URGCP: variants seen among roughly 807,000 people sequenced by gnomAD.
URGCP encodes up-regulator of cell proliferation.
In URGCP, 13 loss-of-function variants were observed where a neutral mutation model predicts 24.6. The ratio of observed to expected loss-of-function variants is 0.53; its 90% CI spans 0.34 to 0.84. The LOEUF (loss-of-function observed/expected upper bound fraction) is 0.84, where lower values mean the gene tolerates loss of function less well. URGCP is among the 40% of genes least tolerant of loss of function. The probability of loss-of-function intolerance (pLI) is 0.01; values close to 1 mark genes in which losing one functional copy is unlikely to be tolerated. For missense variants in URGCP, 899 were observed against 1,194.3 expected (o/e 0.75, Z 3.64); for synonymous variants, 444 against 487.2 (o/e 0.91, Z 1.17).
intron 3 of URGCP, among the ~76,000 whole-genome samples, chr7:43,884,884 T>C (rs953547443): frequency 2.6e-5 from 4 of 152,112 alleles, no homozygotes; most frequent in Non-Finnish European, 4.4e-5. Flanking sequence ...AAATAAATTA[T>C]ATCGTGTGAC....
intron 1 of URGCP, among the ~76,000 whole-genome samples, chr7:43,917,109 G>A (rs1289657329): frequency 1.3e-5 from 2 of 152,156 alleles, no homozygotes; most frequent in African/African-American, 2.4e-5. Flanking sequence ...ATTGAGCTCA[G>A]CAGGGAGGGA....
upstream of URGCP, among the ~76,000 whole-genome samples, chr7:43,907,501 TTAAAG>T (rs2095905418): frequency 1.1e-5 from 1 of 89,798 alleles, no homozygotes; most frequent in African/African-American, 4.4e-5. Flanking sequence ...AAAAATAAAA[TTAAAG>T]TTAAAAGTAA....
intron 1 of URGCP, chr7:43,905,961 A>C (rs2095901290): frequency 6.6e-6 from 1 of 152,190 alleles, no homozygotes; most frequent in African/African-American, 2.4e-5. Flanking sequence ...ATATCAAAAT[A>C]AGCGCAGCCA....
rs2095847000 is a variant in URGCP at position 43,877,621 on chromosome 7, T to C, written c.1842A>G (p.Glu614=). Residue 614 remains glutamate, a synonymous_variant, in exon 6 of 6, where the codon GAA becomes GAG. Coordinates refer to ENST00000453200, the MANE Select transcript of URGCP (RefSeq NM_001077663.3). ...ACTGTCCCATCTCCCGCAAGAAGTG[T>C]TCCACCCCTAGGGGCTCAGGCCAGA... ...EPLWPEPLGV[E]HFLREMGQFY... is the part of the protein sequence containing the mutation. The C allele has an allele frequency of 6.2e-7, 1 of 1,614,134 alleles. No individual in the cohort carries two copies. Among genetic ancestry groups the C allele is most frequent in the Non-Finnish European group, 8.5e-7 (1 of 1,180,032 alleles).
intron 1 of URGCP, among the ~76,000 whole-genome samples, chr7:43,905,319 T>C (rs1221763389): frequency 2.0e-5 from 3 of 151,956 alleles, no homozygotes; most frequent in Non-Finnish European, 4.4e-5. Context: ...CTGCAGGACC[T>C]TGAACCCCTA....
chr7:43,880,721 G>A (rs1041150191), intron 5 of URGCP, among the ~76,000 whole-genome samples: 11 of 152,192 alleles, frequency 7.2e-5, no homozygotes, highest in South Asian at 4.1e-4. Context: ...GTGAGGCACC[G>A]TGCTGAGTCA....
intron 1 of URGCP, among the ~76,000 whole-genome samples, chr7:43,897,125 C>T (rs2095879888): frequency 6.6e-6 from 1 of 152,156 alleles, no homozygotes; most frequent in Admixed American, 6.5e-5. Context: ...ATCACTTGAG[C>T]ACAGGAGGTT....
In URGCP at chr7:43,878,306, A is replaced by T; in HGVS notation, c.1157T>A (p.Ile386Asn). Residue 386 changes from isoleucine to asparagine, a missense_variant, in exon 6 of 6, where the codon ATC (isoleucine) becomes AAC (asparagine). Physicochemically the swap from Ile to Asn is moderately radical, Grantham distance 149. Transcript: ENST00000453200. The surrounding 1 kb of genome is among the most constrained non-coding windows in gnomAD (Gnocchi z 5.6). ...GCGCTTCCCACGGTAGGGACTCAGG[A>T]TGAAGTAGTATTTTGTGGTTGACTC... The part of the protein sequence containing the change: ...MKESTTKYYF[I>N]LSPYRGKRNT... 1 of 1,614,214 alleles carries T rather than the reference A, an allele frequency of 6.2e-7. No individual in the cohort carries two copies. The highest frequency in any genetic ancestry group is 8.5e-7 in the Non-Finnish European group (1 of 1,180,036).
chr7:43,877,952 G>A lies in URGCP; in HGVS notation c.1511C>T (p.Ala504Val). ...GCAGAACTCCTTCTCCACTTGGGCTGCCTTTCTCCAGGGGTCCCCCTGCAG... is the reference window on the plus strand; with the variant it reads ...GCAGAACTCCTTCTCCACTTGGGCTACCTTTCTCCAGGGGTCCCCCTGCAG... ...LRLQGDPWRKAAQVEKEFCQL... is the reference protein window; with the variant it reads ...LRLQGDPWRKVAQVEKEFCQL... Residue 504 changes from alanine (A) to valine (V), a missense_variant, in exon 6 of 6, where the codon GCA becomes GTA. By Grantham distance (64) the Ala-to-Val change is moderately conservative. Transcript: ENST00000453200. 2 of 1,614,172 alleles carry A rather than the reference G, an allele frequency of 1.2e-6. No individual in the cohort carries two copies. Among genetic ancestry groups the A allele is most frequent in the African/African-American group, 1.3e-5 (1 of 75,054 alleles).
At chr7:43,919,878 C>T (rs1274830588) in intron 1 of URGCP, 1 of 1,294,966 alleles carries the variant, frequency 7.7e-7, no homozygotes, top group African/African-American at 1.5e-5. Flanking sequence ...AACCTGTCGC[C>T]AATATGACAA....
At chr7:43,900,484 AAAG>A (rs2095888563) in intron 1 of URGCP, among the ~76,000 whole-genome samples, 1 of 151,772 alleles carries the variant, frequency 6.6e-6, no homozygotes, top group Admixed American at 6.6e-5. Flanking sequence ...AAAAAAAAAA[AAAG>A]AAAAAGAAAA....
intron 1 of URGCP, among the ~76,000 whole-genome samples, chr7:43,901,095 G>A (rs979835216): frequency 1.3e-5 from 2 of 152,206 alleles, no homozygotes; most frequent in Admixed American, 1.3e-4. Context: ...AGTCCTTATT[G>A]AATAGGTTGC....
intron 1 of URGCP, among the ~76,000 whole-genome samples, chr7:43,898,209 A>G (rs187981222): frequency 1.3e-5 from 2 of 152,358 alleles, no homozygotes; most frequent in East Asian, 3.9e-4. Context: ...ATGCAAAGAA[A>G]TGATGGTGCA....
In URGCP at chr7:43,881,835, C is replaced by A. The variant is rs1193826960; in HGVS notation, c.163+72G>T. 3.1e-6 allele frequency: 5 copies of A among 1,605,494 alleles called. No homozygotes were observed. In the Admixed American group the frequency reaches 8.4e-5, roughly 27 times the overall value. ...CTCCCAATTGTTCTAAATATAAAAT[C>A]CCGGTTATCTGTCACTTTACCCACT... On this transcript the variant is annotated intron_variant, in intron 4 of 5. Transcript: ENST00000453200.
chr7:43,889,590 G>A (rs1375230807), intron 1 of URGCP: 1 of 152,152 alleles, frequency 6.6e-6, no homozygotes, highest in East Asian at 1.9e-4. Context: ...TAAAATACAA[G>A]AAAGTATCAT....
intron 1 of URGCP, among the ~76,000 whole-genome samples, chr7:43,924,188 C>A (rs2095925927): frequency 6.6e-6 from 1 of 152,122 alleles, no homozygotes; most frequent in South Asian, 2.1e-4. Flanking sequence ...ATTATTCTTG[C>A]AACATTTCTG....
upstream of URGCP, among the ~76,000 whole-genome samples, chr7:43,907,598 T>G (rs75354125): frequency 0.017 from 2,556 of 152,158 alleles, 72 homozygotes; most frequent in African/African-American, 0.058. Flanking sequence ...AAACCTTAGC[T>G]CTGAAGCCAG....
intron 1 of URGCP, among the ~76,000 whole-genome samples, chr7:43,918,062 T>A (rs940417553): frequency 6.6e-6 from 1 of 151,840 alleles, no homozygotes; most frequent in Non-Finnish European, 1.5e-5. Context: ...TCACTTGAGG[T>A]CAGGAGTTCT....
rs766352406 is a variant in URGCP, at chr7:43,879,281, A to G, written c.203-21T>C. ...CTCCACTGTGGAAAGAAATGAAGAC[A>G]TAAGTGCTCACCCTGTGTTTCTGAG... On this transcript the variant is annotated intron_variant, in intron 5 of 5. Transcript: ENST00000453200. The G allele has an allele frequency of 1.4e-5, 22 of 1,584,766 alleles. No homozygotes were observed. The East Asian group carries it at 2.5e-4, about 18-fold the overall frequency.
Sources: allele counts gnomAD v4.1 joint callset (sites outside exome capture counted in the v4.1 genomes callset), GRCh38; gene constraint gnomAD v4.1.1; non-coding constraint Gnocchi (gnomAD v3.1); transcripts MANE v1.5; gene names NCBI Gene and HGNC (gene_info 2026-07-23, HGNC 2026-07-21).